The following CDH2 variants were observed in gnomAD, a reference collection of about 807,000 sequenced individuals.
CDH2 encodes the protein cadherin 2.
In CDH2, 17 loss-of-function variants were observed where a neutral mutation model predicts 92.0. That is an observed-to-expected ratio of 0.18 (90% CI 0.13 to 0.28). The LOEUF (loss-of-function observed/expected upper bound fraction) is 0.28. CDH2 is among the 10% of genes least tolerant of loss of function. The pLI is 1.00. For missense variants in CDH2, 862 were observed against 1,133.1 expected (o/e 0.76, Z 3.44); for synonymous variants, 419 against 415.9 (o/e 1.01, Z -0.09).
intron 2 of CDH2, among the ~76,000 whole-genome samples, chr18:28,100,707 A>C (rs2015213422): frequency 6.6e-6 from 1 of 152,246 alleles, no homozygotes; most frequent in African/African-American, 2.4e-5. Flanking sequence ...TGAAAATCCT[A>C]TGTTATTCAC....
chr18:28,081,758 T>C (rs1663451461), intron 2 of CDH2, among the ~76,000 whole-genome samples: 2 of 152,224 alleles, frequency 1.3e-5, no homozygotes, highest in Admixed American at 6.5e-5. Context: ...TGCAGCATTA[T>C]CATAAGTTGA....
chr18:27,952,442 C>A (rs926970989), intron 15 of CDH2, 83 bp from the exon 16 acceptor site: 5 of 1,021,742 alleles, frequency 4.9e-6, no homozygotes, highest in Admixed American at 2.0e-5. Flanking sequence ...AATGAATTCA[C>A]GGGATCAAAC....
rs1220148 is a variant in CDH2 at position 28,010,579 on chromosome 18, T to C, written c.547-707A>G. 9.7e-3 allele frequency among the ~76,000 whole-genome samples: 1,472 copies of C among 152,044 alleles called. 25 individuals are homozygous for C. The highest frequency in any genetic ancestry group is 0.034 in the African/African-American group (1,421 of 41,476). On this transcript the variant is annotated intron_variant, in intron 4 of 15. Transcript: ENST00000269141. ...CAGTCACAGGAGACAGAACAGGCTATGGAAGGGGACGAAGGGAGGCAGGTA... is the reference window on the plus strand; with the variant it reads ...CAGTCACAGGAGACAGAACAGGCTACGGAAGGGGACGAAGGGAGGCAGGTA...
intron 2 of CDH2, among the ~76,000 whole-genome samples, chr18:28,127,529 A>C (rs2144284842): frequency 6.6e-6 from 1 of 152,350 alleles, no homozygotes; most frequent in Non-Finnish European, 1.5e-5. Context: ...AATACATTTA[A>C]GATTTTATTT....
intron 1 of CDH2, among the ~76,000 whole-genome samples, chr18:28,174,987 G>A (rs1251337934): frequency 6.6e-6 from 1 of 152,130 alleles, no homozygotes; most frequent in Non-Finnish European, 1.5e-5. Flanking sequence ...TAATACACAG[G>A]AGTCTTTAAG....
chr18:27,990,744 TCCTCA>T (rs2012389265), intron 9 of CDH2, among the ~76,000 whole-genome samples: 1 of 152,140 alleles, frequency 6.6e-6, no homozygotes, highest in African/African-American at 2.4e-5. Context: ...CAAAGATCAC[TCCTCA>T]CCCAGGAAAG....
chr18:28,014,024 T>G (rs1320132993), intron 2 of CDH2, 115 bp from the exon 3 acceptor site: 1 of 673,004 alleles, frequency 1.5e-6, no homozygotes, highest in Admixed American at 2.9e-5. Flanking sequence ...TACAGTAGCA[T>G]GAAACACAGA....
chr18:28,156,549 TA>T (rs1318981975), intron 1 of CDH2, among the ~76,000 whole-genome samples: 8 of 146,096 alleles, frequency 5.5e-5, no homozygotes, highest in Non-Finnish European at 1.2e-4. Flanking sequence ...CCTTCCCAGG[TA>T]CAGCATGTCA....
intron 2 of CDH2, among the ~76,000 whole-genome samples, chr18:28,070,582 G>C (rs1018638182): frequency 6.6e-6 from 1 of 152,186 alleles, no homozygotes; most frequent in Non-Finnish European, 1.5e-5. Context: ...CATACAACTA[G>C]CCTGTCCTCC....
At chr18:28,069,888 G>T (rs986739033) in intron 2 of CDH2, among the ~76,000 whole-genome samples, 6 of 152,042 alleles carry the variant, frequency 3.9e-5, no homozygotes, top group Non-Finnish European at 7.4e-5. Context: ...ATTTCCCTGA[G>T]AATGCCATAA....
chr18:27,934,899 A>C (rs1054508632), intron 6 of CDH2, among the ~76,000 whole-genome samples: 13 of 152,136 alleles, frequency 8.5e-5, no homozygotes, highest in Non-Finnish European at 1.6e-4. Context: ...TTTATAACCC[A>C]AGACATAAAA....
At chr18:28,103,636 T>C (rs1375425752) in intron 2 of CDH2, among the ~76,000 whole-genome samples, 1 of 151,894 alleles carries the variant, frequency 6.6e-6, no homozygotes, top group Non-Finnish European at 1.5e-5. Context: ...TTTCTCCTAA[T>C]GCTATCCATC....
chr18:28,010,942 T>G (rs894507016), intron 4 of CDH2, among the ~76,000 whole-genome samples: 1 of 151,184 alleles, frequency 6.6e-6, no homozygotes, highest in African/African-American at 2.4e-5. Context: ...CCTGCCTGTT[T>G]TTTTTTTTTT....
rs997420050 is a variant in CDH2 at position 28,106,351 on chromosome 18, C to T, written c.172+41322G>A. On this transcript the variant is annotated intron_variant, in intron 2 of 15. Transcript: ENST00000269141. ...AGAATCGCTTGAACCTGGGAGGCGG[C>T]GGTTGCAGTGAGCCGAGATGGCGCT... Among the ~76,000 whole-genome samples, 7 of 151,476 alleles carry T rather than the reference C, an allele frequency of 4.6e-5. No homozygotes were observed. The South Asian group carries it at 8.3e-4, about 18-fold the overall frequency.
chr18:28,068,387 T>G (rs2014550506), intron 2 of CDH2, among the ~76,000 whole-genome samples: 1 of 152,124 alleles, frequency 6.6e-6, no homozygotes, highest in Admixed American at 6.6e-5. Context: ...TAAGAACTTG[T>G]CAGTACGCAC....
intron 15 of CDH2, among the ~76,000 whole-genome samples, chr18:27,962,357 T>TAGAGA (rs1173751784): frequency 6.6e-6 from 1 of 152,230 alleles, no homozygotes; most frequent in South Asian, 2.1e-4. Flanking sequence ...TGGATAGTTA[T>TAGAGA]AGAGACAGGC....
intron 2 of CDH2, chr18:28,036,390 G>A (rs1305664519): frequency 1.3e-6 from 1 of 771,968 alleles, no homozygotes; most frequent in Admixed American, 1.9e-5. Context: ...TTGTACATAA[G>A]TCTTCTCATT....
intron 2 of CDH2, among the ~76,000 whole-genome samples, chr18:28,021,900 T>C (rs1319964510): frequency 6.6e-6 from 1 of 152,054 alleles, no homozygotes; most frequent in Non-Finnish European, 1.5e-5. Context: ...TAATTGCTAT[T>C]TTCAAAGGCA....
At chr18:28,166,434 A>C (rs1033448194) in intron 1 of CDH2, among the ~76,000 whole-genome samples, 3 of 151,984 alleles carry the variant, frequency 2.0e-5, no homozygotes, top group African/African-American at 7.2e-5. Flanking sequence ...TCATGAATTT[A>C]ACTCAGTTTC....
Sources: gnomAD v4.1 joint callset for allele counts (sites outside exome capture counted in the v4.1 genomes callset) on GRCh38, gnomAD v4.1.1 for gene constraint, MANE v1.5 for transcripts, NCBI Gene and HGNC (gene_info 2026-07-23, HGNC 2026-07-21) for gene names.